The following ERAP2 variants were observed in gnomAD, a reference collection of about 807,000 sequenced individuals.
The protein encoded by ERAP2 is endoplasmic reticulum aminopeptidase 2.
Under a neutral mutation model 111.1 loss-of-function variants are expected in ERAP2, and 118 were observed. That is an observed-to-expected ratio of 1.06 (90% CI 0.92 to 1.24). The LOEUF is 1.24. Ranked by LOEUF, ERAP2 falls within the 50% of genes most tolerant of loss-of-function variation. The probability of loss-of-function intolerance (pLI) is 0.00; values close to 1 mark genes in which losing one functional copy is unlikely to be tolerated. For missense variants in ERAP2, 1,131 were observed against 1,125.8 expected, an observed-to-expected ratio of 1.00 and a Z score of -0.07; for synonymous variants, 410 against 401.2, an observed-to-expected ratio of 1.02 and a Z score of -0.26.
At chr5:96,892,526 G>A in intron 6 of ERAP2, 73 bp downstream of exon 6, 1 of 1,554,746 alleles carries the variant, frequency 6.4e-7, no homozygotes, top group Middle Eastern at 1.7e-4. Context: ...CAATCTTCCT[G>A]AAACAAAATA....
At chr5:96,880,539 T>C (rs1171820507) in intron 2 of ERAP2, among the ~76,000 whole-genome samples, 6 of 152,042 alleles carry the variant, frequency 3.9e-5, no homozygotes. Flanking sequence ...AAAGAGATGG[T>C]CAGTGCAGAG....
At chr5:96,883,392 C>T (rs1783360291) in intron 2 of ERAP2, among the ~76,000 whole-genome samples, 1 of 152,204 alleles carries the variant, frequency 6.6e-6, no homozygotes, top group Admixed American at 6.5e-5. Context: ...AAATGTCTAT[C>T]TGAGGCCCTT....
intron 1 of ERAP2, among the ~76,000 whole-genome samples, chr5:96,877,147 G>A (rs1782616471): frequency 6.6e-6 from 1 of 152,034 alleles, no homozygotes; most frequent in African/African-American, 2.4e-5. Flanking sequence ...GCTAATTTTT[G>A]TATTTTTAGT....
rs754990080 is a variant in ERAP2 at position 96,886,724 on chromosome 5, T to C, written c.784T>C (p.Tyr262His). Residue 262 changes from tyrosine to histidine, a missense_variant, in exon 4 of 19, where the codon TAC (tyrosine) becomes CAC (histidine). Tyr to His is a moderately conservative substitution (Grantham distance 83, BLOSUM62 2). Around this residue, in one of 3 missense-constraint regions of ERAP2, gnomAD observed 847 missense variants for 856.5 expected, o/e 0.99. Transcript: ENST00000437043. ...TGAAACTACTGTAAAAATGAGTACA[T>C]ACCTTGTAGCCTACATAGTTTGTGA... is the stretch of plus-strand genomic sequence containing the variant. ...HFETTVKMSTYLVAYIVCDFH... is the reference protein window; with the variant it reads ...HFETTVKMSTHLVAYIVCDFH... 16 of 1,552,198 alleles carry C rather than the reference T, an allele frequency of 1.0e-5. No homozygotes were observed. Among genetic ancestry groups the C allele is most frequent in the Non-Finnish European group, 1.2e-5 (14 of 1,137,618 alleles).
At chr5:96,881,343 A>T (rs1267334646) in intron 2 of ERAP2, 1 of 448,988 alleles carries the variant, frequency 2.2e-6, no homozygotes. Context: ...GAAACAATTG[A>T]ACTTGGCAGT....
Position 96,879,920 on chromosome 5 carries a change from G to A in ERAP2, c.235G>A (p.Asp79Asn), listed in dbSNP as rs1162259660. Residue 79 changes from aspartate (D) to asparagine (N), a missense_variant, in exon 2 of 19, where the codon GAC (aspartate) becomes AAC (asparagine). This residue lies in a region of ERAP2 where 847 missense variants were observed against 856.5 expected (regional missense o/e 0.99). Transcript: ENST00000437043. ...CAGTGTGGTCATTCCTCTCCATTAT[G>A]ACCTCTTTGTCCACCCCAATCTCAC... is the stretch of plus-strand genomic sequence containing the variant. The part of the protein sequence containing the change: ...LPSVVIPLHY[D>N]LFVHPNLTSL... 2 of 1,614,114 alleles carry A rather than the reference G, an allele frequency of 1.2e-6. No homozygotes were observed. Among genetic ancestry groups the A allele is most frequent in the East Asian group, 2.2e-5 (1 of 44,888 alleles).
intron 16 of ERAP2, 113 bp downstream of exon 16, chr5:96,912,911 G>A (rs1336796921): frequency 3.7e-6 from 3 of 815,786 alleles, no homozygotes; most frequent in Non-Finnish European, 5.7e-6. Context: ...ATCAGAATGT[G>A]TATGGCTTTA....
At chr5:96,899,541 CCTTAA>C (rs1327788956) in intron 9 of ERAP2, among the ~76,000 whole-genome samples, 3 of 152,062 alleles carry the variant, frequency 2.0e-5, no homozygotes, top group Admixed American at 2.0e-4. Flanking sequence ...TTGCAGTTGC[CCTTAA>C]GTACTGGTTA....
intron 3 of ERAP2, among the ~76,000 whole-genome samples, chr5:96,884,334 G>A (rs963437318): frequency 6.6e-6 from 1 of 152,120 alleles, no homozygotes; most frequent in African/African-American, 2.4e-5. Flanking sequence ...GAGGTCTTGG[G>A]TTGAAGCTTG....
At chr5:96,908,377 G>C (rs116762793) in intron 13 of ERAP2, among the ~76,000 whole-genome samples, 5,774 of 152,290 alleles carry the variant, frequency 0.038, 189 homozygotes, top group Middle Eastern at 0.12. Context: ...CTTCTCACTA[G>C]AAGAAAACGT....
At chr5:96,913,895 C>A (rs1787082121) in intron 17 of ERAP2, among the ~76,000 whole-genome samples, 1 of 152,150 alleles carries the variant, frequency 6.6e-6, no homozygotes, top group African/African-American at 2.4e-5. Flanking sequence ...ACCCCTAGAG[C>A]CCCTGTGGAG....
chr5:96,913,670 T>C (rs765110785), intron 17 of ERAP2, among the ~76,000 whole-genome samples: 21 of 152,194 alleles, frequency 1.4e-4, no homozygotes, highest in Non-Finnish European at 2.2e-4. Flanking sequence ...AACAGCCTTC[T>C]CTCATTCAGT....
At chr5:96,905,354 T>C (rs768638877) in intron 13 of ERAP2, among the ~76,000 whole-genome samples, 5 of 152,186 alleles carry the variant, frequency 3.3e-5, no homozygotes, top group Non-Finnish European at 7.3e-5. Context: ...GTTGAGTGTG[T>C]AGGGTATTGA....
intron 13 of ERAP2, 75 bp downstream of exon 13, chr5:96,903,635 T>G: frequency 7.7e-7 from 1 of 1,300,982 alleles, no homozygotes; most frequent in Non-Finnish European, 1.1e-6. Context: ...CAATATTGAA[T>G]GTTCAACATT....
At chr5:96,897,865 A>C (rs1785023943) in intron 9 of ERAP2, among the ~76,000 whole-genome samples, 1 of 152,226 alleles carries the variant, frequency 6.6e-6, no homozygotes, top group African/African-American at 2.4e-5. Context: ...GGACAGTAAT[A>C]ATATTGTTTA....
intron 15 of ERAP2, among the ~76,000 whole-genome samples, chr5:96,911,912 G>A (rs1156662511): frequency 2.2e-5 from 3 of 137,618 alleles, no homozygotes; most frequent in African/African-American, 5.4e-5. Context: ...AAAAATGGCC[G>A]GGCGCGGTGG....
chr5:96,892,154 C>T (rs1023953164), intron 5 of ERAP2, 145 bp from the exon 6 acceptor site: 39 of 740,062 alleles, frequency 5.3e-5, no homozygotes, highest in African/African-American at 2.3e-4. Flanking sequence ...CTATAAGACA[C>T]CCTGTCAATG....
Position 96,892,368 on chromosome 5 carries a change from C to A in ERAP2, c.1040C>A (p.Thr347Lys), listed in dbSNP as rs75263594. The change falls in exon 6 of 19, where the codon ACG (threonine) becomes AAG (lysine). Residue 347 changes from threonine to lysine, a missense_variant. Transcript: ENST00000437043. ...TGGGGCCTCATTACATATAGGGAGA[C>A]GTCACTGCTTTTTGACCCCAAGACC... ...ENWGLITYRE[T>K]SLLFDPKTSS... 2.5e-6 allele frequency: 4 copies of A among 1,613,844 alleles called. No homozygotes were observed. The highest frequency in any genetic ancestry group is 2.2e-5 in the South Asian group (2 of 91,084).
Position 96,909,732 on chromosome 5 carries a change from C to A in ERAP2, c.2322C>A (p.Phe774Leu). 6.2e-7 allele frequency: 1 copy of A among 1,614,180 alleles called. No homozygotes were observed. Among genetic ancestry groups the A allele is most frequent in the Non-Finnish European group, 8.5e-7 (1 of 1,180,006 alleles). The change falls in exon 15 of 19, where the codon TTC becomes TTA. Residue 774 changes from phenylalanine to leucine, a missense_variant. By Grantham distance (22) the Phe-to-Leu change is conservative. Coordinates refer to ENST00000437043, the MANE Select transcript of ERAP2 (RefSeq NM_022350.5). ...APCIQKAAELFSQWMESSGKL... is the reference protein window; with the variant it reads ...APCIQKAAELLSQWMESSGKL... ...GCATCCAGAAAGCTGCTGAACTCTT[C>A]TCCCAGTGGATGGAATCCAGTGGAA...
Sources: allele counts gnomAD v4.1 joint callset (sites outside exome capture counted in the v4.1 genomes callset), GRCh38; gene constraint gnomAD v4.1.1; regional missense constraint gnomAD v4.1.1; transcripts MANE v1.5; gene names NCBI Gene and HGNC (gene_info 2026-07-23, HGNC 2026-07-21).